Variants in GRM8 observed in about 807,000 individuals in gnomAD.
GRM8 encodes glutamate metabotropic receptor 8.
Under a neutral mutation model 87.2 loss-of-function variants are expected in GRM8, and 47 were observed. The observed-to-expected ratio is 0.54, with a 90% confidence interval of 0.43 to 0.69. The LOEUF is 0.69. GRM8 is among the 30% of genes least tolerant of loss of function. The probability of loss-of-function intolerance (pLI) is 0.00; values close to 1 mark genes in which losing one functional copy is unlikely to be tolerated. For synonymous variants in GRM8, 396 were observed against 404.5 expected (o/e 0.98, Z 0.25); for missense variants, 1,019 against 1,139.2 (o/e 0.89, Z 1.52).
chr7:126,606,436 T>A (rs747205507), intron 8 of GRM8, among the ~76,000 whole-genome samples: 1 of 152,236 alleles, frequency 6.6e-6, no homozygotes, highest in Non-Finnish European at 1.5e-5. Context: ...TGGGTGCTAC[T>A]GTTTTCATTT....
At chr7:127,249,670 A>G (rs1395124889) in intron 1 of GRM8, among the ~76,000 whole-genome samples, 1 of 152,208 alleles carries the variant, frequency 6.6e-6, no homozygotes, top group African/African-American at 2.4e-5. Context: ...AAAGAGAGAA[A>G]GCCCAAATCT....
chr7:127,086,249 C>T (rs976752765), intron 3 of GRM8, among the ~76,000 whole-genome samples: 7 of 152,140 alleles, frequency 4.6e-5, no homozygotes, highest in African/African-American at 7.2e-5. Flanking sequence ...TGCAGGCACA[C>T]GCCACCACAC....
intron 2 of GRM8, among the ~76,000 whole-genome samples, chr7:127,114,654 T>C (rs1299094411): frequency 1.3e-5 from 2 of 152,198 alleles, no homozygotes; most frequent in African/African-American, 4.8e-5. Flanking sequence ...CTACTAATGG[T>C]GAACCTAAAA....
At chr7:126,995,132 A>C (rs1189919453) in intron 3 of GRM8, among the ~76,000 whole-genome samples, 1 of 152,226 alleles carries the variant, frequency 6.6e-6, no homozygotes, top group Non-Finnish European at 1.5e-5. Context: ...TCCAGACCTT[A>C]TCTAAGACCA....
intron 3 of GRM8, among the ~76,000 whole-genome samples, chr7:127,089,063 G>A (rs1209401487): frequency 6.6e-6 from 1 of 152,214 alleles, no homozygotes; most frequent in Non-Finnish European, 1.5e-5. Context: ...GACTTTATCT[G>A]GAATAAGGTG....
intron 2 of GRM8, among the ~76,000 whole-genome samples, chr7:127,109,889 T>C (rs1437579308): frequency 6.6e-6 from 1 of 152,172 alleles, no homozygotes; most frequent in East Asian, 1.9e-4. Context: ...GATCCTTCCC[T>C]ATCCTGCCAA....
chr7:127,088,538 C>T (rs1586963664), intron 3 of GRM8, among the ~76,000 whole-genome samples: 1 of 152,204 alleles, frequency 6.6e-6, no homozygotes, highest in African/African-American at 2.4e-5. Context: ...ATTTTGGCTA[C>T]TGTAACTGAA....
intron 1 of GRM8, among the ~76,000 whole-genome samples, chr7:127,251,786 T>C (rs1320319363): frequency 6.6e-6 from 1 of 151,902 alleles, no homozygotes; most frequent in African/African-American, 2.4e-5. Context: ...TGCGTTTGCC[T>C]TTGCTTTTTA....
Position 126,788,420 on chromosome 7 carries a change from A to AAAAAAACAAAAAACAAAAAACAAAAAAC in GRM8, c.1157-18356_1157-18355insGTTTTTTGTTTTTTGTTTTTTGTTTTTT. Reference sequence around the variant, plus strand: ...GCAAGACTCCATCTCAAAAAAAAAAAAAACCCTTTCAGATATCTTTAACAT... The same window carrying AAAAAAACAAAAAACAAAAAACAAAAAAC: ...GCAAGACTCCATCTCAAAAAAAAAAAAAAAAACAAAAAACAAAAAACAAAAAACAAACCCTTTCAGATATCTTTAACAT... On this transcript the variant is annotated intron_variant, in intron 6 of 10. Coordinates refer to ENST00000339582, the MANE Select transcript of GRM8 (RefSeq NM_000845.3). 1.1e-3 allele frequency among the ~76,000 whole-genome samples: 91 copies of AAAAAAACAAAAAACAAAAAACAAAAAAC among 81,126 alleles called. 8 individuals are homozygous for AAAAAAACAAAAAACAAAAAACAAAAAAC. Among genetic ancestry groups the AAAAAAACAAAAAACAAAAAACAAAAAAC allele is most frequent in the African/African-American group, 3.7e-3 (81 of 21,818 alleles). The allele number at this position is 81,126 out of a possible 152,430, so 53.2% of individuals were successfully genotyped here. A position where few individuals can be genotyped will look rare whatever the true frequency, so the allele number is the denominator to read the frequency against.
intron 3 of GRM8, among the ~76,000 whole-genome samples, chr7:127,015,040 G>C (rs1046414669): frequency 8.1e-5 from 10 of 122,940 alleles, no homozygotes; most frequent in African/African-American, 2.0e-4. Flanking sequence ...AGAAGAAGAA[G>C]AAGAAGAAGA....
At chr7:127,130,612 A>C (rs1251315048) in intron 2 of GRM8, among the ~76,000 whole-genome samples, 3 of 152,132 alleles carry the variant, frequency 2.0e-5, no homozygotes, top group Admixed American at 6.6e-5. Context: ...TGGCAGAAGA[A>C]ATTTCTGGGA....
chr7:126,734,333 C>T (rs976027303), intron 7 of GRM8, among the ~76,000 whole-genome samples: 7 of 151,734 alleles, frequency 4.6e-5, no homozygotes, highest in Admixed American at 4.6e-4. Flanking sequence ...TTTTGAAACC[C>T]ATTCTAATGG....
At chr7:126,755,988 T>C (rs1044102184) in intron 7 of GRM8, among the ~76,000 whole-genome samples, 2 of 152,040 alleles carry the variant, frequency 1.3e-5, no homozygotes, top group African/African-American at 2.4e-5. Flanking sequence ...ATTTATTTCA[T>C]CATTTAGACA....
chr7:126,565,140 A>T (rs1267010985), intron 8 of GRM8, among the ~76,000 whole-genome samples: 1 of 152,190 alleles, frequency 6.6e-6, no homozygotes, highest in Non-Finnish European at 1.5e-5. Flanking sequence ...GGACAAAGGC[A>T]AGGATGCCTA....
At chr7:126,761,844 G>A (rs189619893) in intron 7 of GRM8, among the ~76,000 whole-genome samples, 91 of 152,088 alleles carry the variant, frequency 6.0e-4, no homozygotes, top group Admixed American at 2.4e-3. Context: ...TCCACATCTC[G>A]ACCACCAGAA....
At chr7:126,626,068 A>C (rs151241448) in intron 7 of GRM8, among the ~76,000 whole-genome samples, 13 of 151,486 alleles carry the variant, frequency 8.6e-5, no homozygotes, top group African/African-American at 3.1e-4. Flanking sequence ...TAATCATTGT[A>C]TCTCTAATAG....
chr7:126,565,709 A>T (rs1794157012), intron 8 of GRM8, among the ~76,000 whole-genome samples: 1 of 152,160 alleles, frequency 6.6e-6, no homozygotes, highest in Non-Finnish European at 1.5e-5. Flanking sequence ...ATTAAACTAT[A>T]AAAGAACCCA....
intron 2 of GRM8, among the ~76,000 whole-genome samples, chr7:127,131,278 G>T (rs770750682): frequency 1.3e-5 from 2 of 152,118 alleles, no homozygotes; most frequent in Non-Finnish European, 2.9e-5. Flanking sequence ...TCTTATAAAA[G>T]ATCCAGAGTT....
In GRM8 at chr7:126,974,791, C is replaced by T. The variant is rs555602341; in HGVS notation, c.728-70108G>A. 2.0e-5 allele frequency among the ~76,000 whole-genome samples: 3 copies of T among 152,082 alleles called. No individual in the cohort carries two copies. The East Asian group carries it at 5.8e-4, about 29-fold the overall frequency. ...TACTAAAAATATTTTAAAAAATTGGCCAGTCATGGTGGCAGGCACCTGTAG... is the reference window on the plus strand; with the variant it reads ...TACTAAAAATATTTTAAAAAATTGGTCAGTCATGGTGGCAGGCACCTGTAG... On this transcript the variant is annotated intron_variant, in intron 3 of 10. Coordinates refer to ENST00000339582, the MANE Select transcript of GRM8 (RefSeq NM_000845.3).
Sources: allele counts gnomAD v4.1 joint callset (sites outside exome capture counted in the v4.1 genomes callset), GRCh38; gene constraint gnomAD v4.1.1; transcripts MANE v1.5; gene names NCBI Gene and HGNC (gene_info 2026-07-23, HGNC 2026-07-21).